Variants in EPHA5 observed in about 807,000 individuals in gnomAD.
EPHA5 encodes EPH receptor A5, also known as ephrin type-A receptor 5.
Under a neutral mutation model 105.0 loss-of-function variants are expected in EPHA5, and 60 were observed. The observed-to-expected ratio is 0.57, with a 90% CI of 0.46 to 0.71. The LOEUF (loss-of-function observed/expected upper bound fraction) is 0.71. EPHA5 is among the 30% of genes least tolerant of loss of function. The probability of loss-of-function intolerance (pLI) is 0.00; values close to 1 mark genes in which losing one functional copy is unlikely to be tolerated. For missense variants in EPHA5, 1,218 were observed against 1,274.7 expected, an observed-to-expected ratio of 0.96 and a Z score of 0.68; for synonymous variants, 513 against 449.1, an observed-to-expected ratio of 1.14 and a Z score of -1.80.
intron 5 of EPHA5, among the ~76,000 whole-genome samples, chr4:65,481,413 G>A (rs1560588141): frequency 6.6e-6 from 1 of 152,156 alleles, no homozygotes; most frequent in Admixed American, 6.6e-5. Context: ...ATAAATAGGA[G>A]GATTCAGGTG....
At chr4:65,389,616 G>T (rs1006218031) in intron 8 of EPHA5, among the ~76,000 whole-genome samples, 1 of 151,970 alleles carries the variant, frequency 6.6e-6, no homozygotes, top group Non-Finnish European at 1.5e-5. Context: ...CAGGATCTGT[G>T]CATTATCTAT....
chr4:65,558,583 T>G (rs899087266), intron 3 of EPHA5, among the ~76,000 whole-genome samples: 6 of 152,116 alleles, frequency 3.9e-5, no homozygotes, highest in African/African-American at 1.4e-4. Flanking sequence ...AGGGTACATG[T>G]GCACAACGTG....
chr4:65,341,345 T>C (rs1721698510), intron 14 of EPHA5, among the ~76,000 whole-genome samples: 1 of 151,978 alleles, frequency 6.6e-6, no homozygotes, highest in South Asian at 2.1e-4. Flanking sequence ...TTAAGTATTT[T>C]TGTCATGAAA....
chr4:65,591,808 T>G (rs939969777), intron 3 of EPHA5, among the ~76,000 whole-genome samples: 1 of 152,102 alleles, frequency 6.6e-6, no homozygotes, highest in Non-Finnish European at 1.5e-5. Flanking sequence ...GAAAGTTACT[T>G]TACTTGCCAA....
At chr4:65,468,061 C>T (rs902538779) in intron 5 of EPHA5, among the ~76,000 whole-genome samples, 36 of 152,140 alleles carry the variant, frequency 2.4e-4, no homozygotes, top group South Asian at 2.1e-4. Flanking sequence ...TACTGGACTT[C>T]CAACTTACAG....
At position 65,365,668 on chromosome 4, in the gene EPHA5, TA is replaced by T. The variant is rs1560458015; in HGVS notation, c.1987+263del. On this transcript the variant is annotated intron_variant, in intron 10 of 16. Transcript: ENST00000613740. ...AATTCACTATATATATATATATATA[TA>T]TATATATATATATATATATAGTGAA... Among the ~76,000 whole-genome samples, 263 of 97,814 alleles carry T rather than the reference TA, an allele frequency of 2.7e-3. 32 individuals carry two copies. Among genetic ancestry groups the T allele is most frequent in the Non-Finnish European group, 1.3e-3 (54 of 41,312 alleles). 64.2% of individuals were successfully genotyped at this position (97,814 alleles called of 152,430 possible). A position where few individuals can be genotyped will look rare whatever the true frequency, so the allele number is the denominator to read the frequency against.
intron 3 of EPHA5, among the ~76,000 whole-genome samples, chr4:65,558,378 TAATAA>T (rs1351584211): frequency 6.6e-6 from 1 of 152,148 alleles, no homozygotes; most frequent in African/African-American, 2.4e-5. Context: ...TGTTCAGAAG[TAATAA>T]AATAGAATAT....
chr4:65,398,625 C>T (rs1721497279), intron 8 of EPHA5, among the ~76,000 whole-genome samples: 1 of 152,182 alleles, frequency 6.6e-6, no homozygotes, highest in African/African-American at 2.4e-5. Flanking sequence ...CACACACTTT[C>T]TTCCTTTGGA....
At chr4:65,658,078 A>C (rs1023908271) in intron 1 of EPHA5, among the ~76,000 whole-genome samples, 7 of 152,028 alleles carry the variant, frequency 4.6e-5, no homozygotes, top group African/African-American at 1.4e-4. Context: ...AAATGTACAG[A>C]CAAGCAAAAA....
intron 7 of EPHA5, among the ~76,000 whole-genome samples, chr4:65,405,352 T>C (rs1248828406): frequency 6.6e-6 from 1 of 152,220 alleles, no homozygotes; most frequent in Non-Finnish European, 1.5e-5. Context: ...AGCATGCTTC[T>C]TGTTTAATGA....
chr4:65,370,280 T>C (rs1718329181), intron 8 of EPHA5, among the ~76,000 whole-genome samples: 1 of 152,196 alleles, frequency 6.6e-6, no homozygotes, highest in Non-Finnish European at 1.5e-5. Flanking sequence ...TTTTAAGTTA[T>C]TTTAATACAT....
intron 1 of EPHA5, among the ~76,000 whole-genome samples, chr4:65,643,866 A>G (rs1747886154): frequency 6.6e-6 from 1 of 152,056 alleles, no homozygotes; most frequent in Non-Finnish European, 1.5e-5. Context: ...CAATTAACAA[A>G]TAATTTACAT....
At chr4:65,664,316 G>C (rs777794764) in intron 1 of EPHA5, among the ~76,000 whole-genome samples, 14 of 151,754 alleles carry the variant, frequency 9.2e-5, no homozygotes, top group Non-Finnish European at 1.5e-4. Context: ...ATTGTTATTA[G>C]TACATCAGAA....
At chr4:65,447,360 T>C (rs867153631) in intron 5 of EPHA5, among the ~76,000 whole-genome samples, 1 of 152,044 alleles carries the variant, frequency 6.6e-6, no homozygotes. Flanking sequence ...ACAACCATTA[T>C]AGTTGATGTC....
At chr4:65,571,215 T>TA (rs1740137756) in intron 3 of EPHA5, among the ~76,000 whole-genome samples, 1 of 151,686 alleles carries the variant, frequency 6.6e-6, no homozygotes, top group Non-Finnish European at 1.5e-5. Context: ...AAAATGTGAG[T>TA]AGGGGAGACT....
At chr4:65,580,566 G>A (rs4241668) in intron 3 of EPHA5, among the ~76,000 whole-genome samples, 3 of 151,494 alleles carry the variant, frequency 2.0e-5, no homozygotes, top group Admixed American at 2.0e-4. Flanking sequence ...TTTGGCATAA[G>A]GATTATTTTG....
At chr4:65,483,730 A>G (rs962605613) in intron 5 of EPHA5, among the ~76,000 whole-genome samples, 1 of 152,098 alleles carries the variant, frequency 6.6e-6, no homozygotes, top group Non-Finnish European at 1.5e-5. Context: ...TAATATTTCC[A>G]TTTCAGCTTT....
At chr4:65,580,998 G>A (rs1287135002) in intron 3 of EPHA5, among the ~76,000 whole-genome samples, 4 of 151,684 alleles carry the variant, frequency 2.6e-5, no homozygotes, top group Admixed American at 6.6e-5. Flanking sequence ...TCTATCCATT[G>A]CCTCTATCTT....
At chr4:65,548,125 A>G (rs1337167650) in intron 3 of EPHA5, among the ~76,000 whole-genome samples, 2 of 147,014 alleles carry the variant, frequency 1.4e-5, no homozygotes, top group Admixed American at 7.3e-5. Context: ...ACTGATCTCT[A>G]TGACTATGAT....
Sources: allele counts gnomAD v4.1 joint callset (sites outside exome capture counted in the v4.1 genomes callset), GRCh38; gene constraint gnomAD v4.1.1; transcripts MANE v1.5; gene names NCBI Gene and HGNC (gene_info 2026-07-23, HGNC 2026-07-21).